The following KIAA1191 variants were observed in gnomAD, a reference collection of about 807,000 sequenced individuals.
The protein encoded by KIAA1191 is KIAA1191.
In KIAA1191, 22 loss-of-function variants were observed where a neutral mutation model predicts 31.1. The ratio of observed to expected loss-of-function variants is 0.71; its 90% CI spans 0.51 to 1.01. The LOEUF (loss-of-function observed/expected upper bound fraction) is 1.01. Among genes scored for constraint, KIAA1191 ranks in the 50% least tolerant of loss-of-function variants. The probability of loss-of-function intolerance (pLI) is 0.00; values close to 1 mark genes in which losing one functional copy is unlikely to be tolerated. For synonymous variants in KIAA1191, 130 were observed against 143.9 expected (o/e 0.90, Z 0.69); for missense variants, 319 against 388.0 (o/e 0.82, Z 1.49).
chr5:176,355,691 C>A lies in KIAA1191; in HGVS notation c.87G>T (p.Arg29=). Residue 29 remains arginine (R), a synonymous_variant, in exon 4 of 9, where the codon CGG becomes CGT. Coordinates refer to ENST00000298569, the MANE Select transcript of KIAA1191 (RefSeq NM_020444.5). This position sits in a 1 kb window ranked among gnomAD's most constrained non-coding sequence, Gnocchi z 4.2. The part of the protein sequence containing the change: ...KMSLPIGIYR[R]AVSYDDTLED... ...CGAGGGTATCATCATAGCTGACTGC[C>A]CGGCGGTATATCCCGATGGGCAGGG... 1.2e-6 allele frequency: 2 copies of A among 1,613,714 alleles called. No homozygotes were observed.
chr5:176,359,100 A>G (rs1308224801), intron 3 of KIAA1191, among the ~76,000 whole-genome samples: 192 of 149,808 alleles, frequency 1.3e-3, no homozygotes, highest in African/African-American at 4.3e-3. Context: ...AAAAAAAAAA[A>G]AAAAGGTCAG....
Position 176,355,884 on chromosome 5 carries a change from A to G in KIAA1191, c.29-135T>C. The G allele has an allele frequency of 3.6e-6, 3 of 837,440 alleles. No homozygotes were observed. The highest frequency in any genetic ancestry group is 5.8e-6 in the Non-Finnish European group (3 of 515,998). The allele number at this position is 837,440 out of a possible 1,614,324, so 51.9% of individuals were successfully genotyped here. On this transcript the variant is annotated intron_variant, in intron 3 of 8. Transcript: ENST00000298569. This position sits in a 1 kb window ranked among gnomAD's most constrained non-coding sequence, Gnocchi z 4.2. ...CAAAATAGCTTGTTTTGGAGTAGCT[A>G]ATCCCATCCAGGAAAGGCAGTGGTA... is the stretch of plus-strand genomic sequence containing the variant.
intron 6 of KIAA1191, among the ~76,000 whole-genome samples, chr5:176,350,053 T>C (rs1403883344): frequency 1.3e-5 from 2 of 152,150 alleles, no homozygotes; most frequent in Non-Finnish European, 2.9e-5. Context: ...CGAACCTCAA[T>C]CTCCTCATTT....
In KIAA1191 at chr5:176,355,450, AAC is replaced by A. The variant is rs1277044830; in HGVS notation, c.207+119_207+120del. 1.9e-5 allele frequency: 15 copies of A among 789,276 alleles called. No homozygotes were observed. Among genetic ancestry groups the A allele is most frequent in the Admixed American group, 1.7e-4 (7 of 40,760 alleles). 48.9% of individuals were successfully genotyped at this position (789,276 alleles called of 1,614,324 possible). On this transcript the variant is annotated intron_variant, in intron 4 of 8. Transcript: ENST00000298569. This position sits in a 1 kb window ranked among gnomAD's most constrained non-coding sequence, Gnocchi z 4.2. ...AGACAGCTATAACTGAGGCACAGAA[AAC>A]ACATACAGGGAGTGGTTGCTGCCCA...
chr5:176,347,645 G>A lies in KIAA1191; in HGVS notation c.873C>T (p.Asn291=), dbSNP rs370049134. ...EGKKQPPRAH[N]LKPRDLNVLT... ...GCACATTCAGGTCACGGGGTTTGAG[G>A]TTATGGGCCCGTGGTGGCTGTTTCT... The change falls in exon 9 of 9, where the codon AAC becomes AAT. Residue 291 remains asparagine, a synonymous_variant. Transcript: ENST00000298569. 2.6e-6 allele frequency: 4 copies of A among 1,551,176 alleles called. No homozygotes were observed. The African/African-American group carries it at 5.5e-5, about 21-fold the overall frequency.
intron 3 of KIAA1191, among the ~76,000 whole-genome samples, chr5:176,357,470 C>G (rs1767610446): frequency 6.6e-6 from 1 of 151,940 alleles, no homozygotes; most frequent in African/African-American, 2.4e-5. Flanking sequence ...ATTACTAAGT[C>G]TTCCTCCTTG....
In KIAA1191 at chr5:176,355,160, T is replaced by C. The variant is rs1767390322; in HGVS notation, c.207+411A>G. On this transcript the variant is annotated intron_variant, in intron 4 of 8. Transcript: ENST00000298569. This position sits in a 1 kb window ranked among gnomAD's most constrained non-coding sequence, Gnocchi z 4.2. ...AGATCACATGGACTGTGGATCATGC[T>C]GAGCTTGGATTTAGCTCTGTGGGGA... Among the ~76,000 whole-genome samples, 1 of 152,086 alleles carries C rather than the reference T, an allele frequency of 6.6e-6. No individual in the cohort carries two copies. Among genetic ancestry groups the C allele is most frequent in the African/African-American group, 2.4e-5 (1 of 41,390 alleles).
intron 5 of KIAA1191, 35 bp from the exon 6 acceptor site, chr5:176,350,772 C>A: frequency 6.2e-7 from 1 of 1,610,714 alleles, no homozygotes; most frequent in South Asian, 1.1e-5. Flanking sequence ...ATGCCCATTC[C>A]CCTCTCCCAT....
chr5:176,351,069 G>A (rs1031616441), intron 5 of KIAA1191, among the ~76,000 whole-genome samples: 10 of 152,176 alleles, frequency 6.6e-5, no homozygotes, highest in African/African-American at 2.4e-4. Flanking sequence ...GGGGCTGGAT[G>A]CAGTAGCTCA....
intron 5 of KIAA1191, among the ~76,000 whole-genome samples, 179 bp from the exon 6 acceptor site, chr5:176,350,916 C>T (rs1296642927): frequency 6.6e-6 from 1 of 152,186 alleles, no homozygotes; most frequent in East Asian, 1.9e-4. Flanking sequence ...CACAAAGGCT[C>T]TCTAGCCAGA....
intron 6 of KIAA1191, among the ~76,000 whole-genome samples, chr5:176,349,745 A>T (rs1442402191): frequency 6.6e-6 from 1 of 152,176 alleles, no homozygotes; most frequent in Non-Finnish European, 1.5e-5. Flanking sequence ...TATAATGTAT[A>T]CCATGATTCT....
Position 176,347,524 on chromosome 5 carries a change from T to C in KIAA1191, c.*76A>G. Reference sequence around the variant, plus strand: ...CTGATTAAGTTTTTAAATATACCTTTCCTATGTCAAAGCCAAGGTAAAAGG... The same window carrying C: ...CTGATTAAGTTTTTAAATATACCTTCCCTATGTCAAAGCCAAGGTAAAAGG... On this transcript the variant is annotated 3_prime_UTR_variant, in exon 9 of 9. Transcript: ENST00000298569. 1 of 1,204,872 alleles carries C rather than the reference T, an allele frequency of 8.3e-7. No homozygotes were observed. The highest frequency in any genetic ancestry group is 1.9e-5 in the South Asian group (1 of 53,262). The allele number at this position is 1,204,872 out of a possible 1,614,324, so 74.6% of individuals were successfully genotyped here.
rs930922569 is a variant in KIAA1191 at position 176,355,332 on chromosome 5, A to G, written c.207+239T>C. The stretch of plus-strand genomic sequence containing the variant: ...CACTAAAAGCCCAGACTTCACCACT[A>G]TACAATTCATCCATGCGAACAACAC... On this transcript the variant is annotated intron_variant, in intron 4 of 8. Coordinates refer to ENST00000298569, the MANE Select transcript of KIAA1191 (RefSeq NM_020444.5). This position sits in a 1 kb window ranked among gnomAD's most constrained non-coding sequence, Gnocchi z 4.2. Among the ~76,000 whole-genome samples, 5 of 152,108 alleles carry G rather than the reference A, an allele frequency of 3.3e-5. No homozygotes were observed. Among genetic ancestry groups the G allele is most frequent in the African/African-American group, 9.7e-5 (4 of 41,420 alleles).
intron 4 of KIAA1191, among the ~76,000 whole-genome samples, chr5:176,353,831 C>T (rs1767255167): frequency 6.6e-6 from 1 of 152,218 alleles, no homozygotes; most frequent in African/African-American, 2.4e-5. Context: ...AAGCCCTGCT[C>T]ACCTCCTGCT....
Position 176,347,616 on chromosome 5 carries a change from G to A in KIAA1191, c.902C>T (p.Thr301Ile). 1 of 1,518,208 alleles carries A rather than the reference G, an allele frequency of 6.6e-7. No homozygotes were observed. The highest frequency in any genetic ancestry group is 8.8e-7 in the Non-Finnish European group (1 of 1,134,544). The allele number at this position is 1,518,208 out of a possible 1,614,324, so 94.0% of individuals were successfully genotyped here. ...NLKPRDLNVL[T>I]PTGF is the part of the protein sequence containing the mutation. ...AAGAGGGCTCTAGAAGCCAGTGGGT[G>A]TGAGCACATTCAGGTCACGGGGTTT... is the stretch of plus-strand genomic sequence containing the variant. The change falls in exon 9 of 9, where the codon ACA becomes ATA. Residue 301 changes from threonine to isoleucine, a missense_variant. Transcript: ENST00000298569.
chr5:176,348,456 G>A lies in KIAA1191; in HGVS notation c.460-100C>T, dbSNP rs1479954173. On this transcript the variant is annotated intron_variant, in intron 6 of 8. Transcript: ENST00000298569. ...AATTTGGTTCGCATTCTAACTTTAG[G>A]CAGAAGACATCTACAGGTGGAATGA... The A allele has an allele frequency of 6.5e-6, 5 of 768,838 alleles. No individual in the cohort carries two copies. The South Asian group carries it at 8.4e-5, about 13-fold the overall frequency. The allele number at this position is 768,838 out of a possible 1,614,324, so 47.6% of individuals were successfully genotyped here.
rs1275690460 is a variant in KIAA1191, at chr5:176,350,745, CAG to C, written c.335-10_335-9del. 1 of 1,613,734 alleles carries C rather than the reference CAG, an allele frequency of 6.2e-7. No individual in the cohort carries two copies. The highest frequency in any genetic ancestry group is 8.5e-7 in the Non-Finnish European group (1 of 1,179,894). On this transcript the variant is annotated splice_polypyrimidine_tract_variant and intron_variant, in intron 5 of 8. Coordinates refer to ENST00000298569, the MANE Select transcript of KIAA1191 (RefSeq NM_020444.5). ...TGCTTTCCTGGGTCTGTTCTGGGAA[CAG>C]AGGAGATGACAGTCATGCCCATTCC...
In KIAA1191 at chr5:176,355,924, T is replaced by C; in HGVS notation, c.29-175A>G. 1 of 650,670 alleles carries C rather than the reference T, an allele frequency of 1.5e-6. No individual in the cohort carries two copies. Among genetic ancestry groups the C allele is most frequent in the Non-Finnish European group, 2.7e-6 (1 of 368,448 alleles). The allele number at this position is 650,670 out of a possible 1,614,324, so 40.3% of individuals were successfully genotyped here. A position where few individuals can be genotyped will look rare whatever the true frequency, so the allele number is the denominator to read the frequency against. ...AGGCAGTGGTACCAATCCCTTCCTCTATGCCTGACACCTTGGGTGGTCCAC... is the reference window on the plus strand; with the variant it reads ...AGGCAGTGGTACCAATCCCTTCCTCCATGCCTGACACCTTGGGTGGTCCAC... On this transcript the variant is annotated intron_variant, in intron 3 of 8. Coordinates refer to ENST00000298569, the MANE Select transcript of KIAA1191 (RefSeq NM_020444.5). This position sits in a 1 kb window ranked among gnomAD's most constrained non-coding sequence, Gnocchi z 4.2.
At chr5:176,359,645 C>CTCA (rs1767820547) in intron 2 of KIAA1191, 78 bp from the exon 3 acceptor site, 3 of 722,770 alleles carry the variant, frequency 4.2e-6, no homozygotes, top group Non-Finnish European at 5.0e-6. Flanking sequence ...CAGAATTGAA[C>CTCA]GGCTTGTTTA....
Sources: allele counts gnomAD v4.1 joint callset (sites outside exome capture counted in the v4.1 genomes callset), GRCh38; gene constraint gnomAD v4.1.1; non-coding constraint Gnocchi (gnomAD v3.1); transcripts MANE v1.5; gene names NCBI Gene and HGNC (gene_info 2026-07-23, HGNC 2026-07-21).